The following SLMAP variants were observed in gnomAD, a reference collection of about 807,000 sequenced individuals.
SLMAP encodes sarcolemma associated protein.
Under a neutral mutation model 128.8 loss-of-function variants are expected in SLMAP, and 44 were observed. The observed-to-expected ratio is 0.34, with a 90% CI of 0.27 to 0.44. The LOEUF is 0.44. SLMAP is among the 20% of genes least tolerant of loss of function. The pLI is 1.00. For synonymous variants in SLMAP, 327 were observed against 348.8 expected (o/e 0.94, Z 0.70); for missense variants, 787 against 985.3 (o/e 0.80, Z 2.69).
rs958333829 is a variant in SLMAP, at chr3:57,895,593, G to A, written c.1361-918G>A. On this transcript the variant is annotated intron_variant, in intron 15 of 24. Transcript: ENST00000671191. ...TCATGATCCATCCACCTCAGCCTCC[G>A]AAAGTGCTGGGATTACAGGCGTGAG... Among the ~76,000 whole-genome samples the A allele has an allele frequency of 4.0e-5, 6 of 151,824 alleles. No individual in the cohort carries two copies. In the South Asian group the frequency reaches 6.2e-4, roughly 16 times the overall value.
chr3:57,805,199 A>G (rs969494974), intron 2 of SLMAP, among the ~76,000 whole-genome samples: 5 of 152,058 alleles, frequency 3.3e-5, no homozygotes, highest in Non-Finnish European at 5.9e-5. Context: ...TTTTCCTCAA[A>G]TGTGTGTTCC....
chr3:57,781,712 T>G (rs2083105519), intron 2 of SLMAP, among the ~76,000 whole-genome samples: 1 of 148,728 alleles, frequency 6.7e-6, no homozygotes, highest in Non-Finnish European at 1.5e-5. Flanking sequence ...CTATTCTAAG[T>G]AAATAAATAT....
chr3:57,871,542 C>A, intron 13 of SLMAP, 94 bp from the exon 14 acceptor site: 2 of 848,734 alleles, frequency 2.4e-6, no homozygotes, highest in Non-Finnish European at 4.0e-6. Flanking sequence ...TTACTTAGTA[C>A]CCATGTTAAT....
chr3:57,773,317 A>G (rs377290064), intron 2 of SLMAP, among the ~76,000 whole-genome samples: 9 of 152,226 alleles, frequency 5.9e-5, no homozygotes, highest in South Asian at 4.1e-4. Context: ...AGTGTCATCA[A>G]TAGGTTCTTG....
chr3:57,887,078 GA>G (rs889612109), intron 14 of SLMAP, among the ~76,000 whole-genome samples: 84 of 149,804 alleles, frequency 5.6e-4, no homozygotes, highest in Non-Finnish European at 9.9e-4. Flanking sequence ...CTCATTTAAG[GA>G]AAAAAAAGAG....
In SLMAP at chr3:57,912,991, G is replaced by A. The variant is rs192323415; in HGVS notation, c.2021-167G>A. Among the ~76,000 whole-genome samples, 26 of 152,294 alleles carry A rather than the reference G, an allele frequency of 1.7e-4. No individual in the cohort carries two copies. In the East Asian group the frequency reaches 5.0e-3, roughly 29 times the overall value. ...CAAGTACAAGCTGATAGCAGTCCTT[G>A]AGGTATACATGCAAAGTAACAGGAA... On this transcript the variant is annotated intron_variant, in intron 20 of 24. Transcript: ENST00000671191.
intron 2 of SLMAP, among the ~76,000 whole-genome samples, chr3:57,824,854 C>G (rs892744865): frequency 6.6e-6 from 1 of 152,042 alleles, no homozygotes; most frequent in Non-Finnish European, 1.5e-5. Context: ...AATATTGATA[C>G]CTTCACAGTA....
In SLMAP at chr3:57,833,428, GT is replaced by G. The variant is rs398105898; in HGVS notation, c.346+1910del. On this transcript the variant is annotated intron_variant, in intron 3 of 24. Transcript: ENST00000671191. ...GTATAATCTTATTTTAGTAACATTA[GT>G]TTTTTTTTTTTGAGACGGAGTCTCA... 6.7e-4 allele frequency among the ~76,000 whole-genome samples: 99 copies of G among 147,940 alleles called. 1 individual carries two copies. In the Middle Eastern group the frequency reaches 0.014, roughly 20 times the overall value.
chr3:57,811,344 G>A (rs1048578603), intron 2 of SLMAP, among the ~76,000 whole-genome samples: 2 of 152,056 alleles, frequency 1.3e-5, no homozygotes, highest in African/African-American at 4.8e-5. Flanking sequence ...GTAGTATTTT[G>A]TCTTTTTGTG....
intron 2 of SLMAP, among the ~76,000 whole-genome samples, chr3:57,780,989 T>C (rs1462311465): frequency 2.0e-5 from 3 of 150,772 alleles, no homozygotes; most frequent in Non-Finnish European, 2.9e-5. Context: ...CATATATATA[T>C]ACCTATGTAT....
intron 2 of SLMAP, among the ~76,000 whole-genome samples, chr3:57,804,115 G>A (rs892973128): frequency 6.6e-5 from 10 of 152,204 alleles, no homozygotes; most frequent in African/African-American, 1.7e-4. Context: ...AAGTGTTAAA[G>A]TAGAGCCAAA....
intron 15 of SLMAP, among the ~76,000 whole-genome samples, chr3:57,893,458 A>AG (rs966009836): frequency 1.3e-5 from 2 of 149,496 alleles, no homozygotes; most frequent in African/African-American, 4.9e-5. Context: ...AAAAAAAAAA[A>AG]CAGGCAATCT....
At chr3:57,888,064 T>C (rs2095948504) in intron 14 of SLMAP, among the ~76,000 whole-genome samples, 1 of 152,136 alleles carries the variant, frequency 6.6e-6, no homozygotes, top group African/African-American at 2.4e-5. Flanking sequence ...GTCCACCCCT[T>C]TTCAGGAAAT....
chr3:57,764,797 TA>T (rs1233138894), intron 2 of SLMAP, among the ~76,000 whole-genome samples: 1 of 152,226 alleles, frequency 6.6e-6, no homozygotes, highest in Non-Finnish European at 1.5e-5. Context: ...CTCAAGCTCA[TA>T]ACCACTGTGC....
chr3:57,906,377 G>A (rs1223764086), intron 17 of SLMAP, among the ~76,000 whole-genome samples: 5 of 134,796 alleles, frequency 3.7e-5, no homozygotes, highest in Non-Finnish European at 7.7e-5. Context: ...GTGCAGTGGC[G>A]CGATCTTGGC....
intron 15 of SLMAP, among the ~76,000 whole-genome samples, chr3:57,891,864 AC>A (rs1199432693): frequency 5.3e-5 from 8 of 151,854 alleles, no homozygotes; most frequent in Non-Finnish European, 1.0e-4. Context: ...GGTGTGAGCC[AC>A]CATGTCCGGC....
At chr3:57,828,754 A>G (rs2093112471) in intron 2 of SLMAP, among the ~76,000 whole-genome samples, 1 of 152,206 alleles carries the variant, frequency 6.6e-6, no homozygotes, top group African/African-American at 2.4e-5. Context: ...GTCAGAATGA[A>G]AAGAACCTGG....
intron 2 of SLMAP, among the ~76,000 whole-genome samples, chr3:57,775,721 C>T (rs1250759307): frequency 6.6e-6 from 1 of 151,764 alleles, no homozygotes; most frequent in Non-Finnish European, 1.5e-5. Context: ...ATTGTTGAGA[C>T]GGAGTGTCGC....
chr3:57,920,051 T>C (rs537409912), intron 22 of SLMAP, among the ~76,000 whole-genome samples: 1 of 152,278 alleles, frequency 6.6e-6, no homozygotes, highest in Admixed American at 6.5e-5. Flanking sequence ...AAAAGGAAAG[T>C]AAGGGAAAAC....
Sources: gnomAD v4.1 joint callset for allele counts (sites outside exome capture counted in the v4.1 genomes callset) on GRCh38, gnomAD v4.1.1 for gene constraint, MANE v1.5 for transcripts, NCBI Gene and HGNC (gene_info 2026-07-23, HGNC 2026-07-21) for gene names.